DOCK4: variants seen among roughly 807,000 people sequenced by gnomAD.
DOCK4 encodes the protein dedicator of cytokinesis protein 4.
DOCK4 carries 97 observed loss-of-function variants against 268.1 expected under a neutral mutation model. The ratio of observed to expected loss-of-function variants is 0.36; its 90% CI spans 0.31 to 0.43. The LOEUF is 0.43. Ranked by LOEUF, DOCK4 falls within the 20% of genes least tolerant of loss-of-function variation. The pLI, the probability that DOCK4 is intolerant of heterozygous loss-of-function variation, is 1.00. For synonymous variants in DOCK4, 954 were observed against 887.2 expected (o/e 1.08, Z -1.34); for missense variants, 2,145 against 2,455.7 (o/e 0.87, Z 2.67).
intron 37 of DOCK4, among the ~76,000 whole-genome samples, chr7:111,768,633 T>C (rs942616928): frequency 2.0e-5 from 3 of 152,042 alleles, no homozygotes. Flanking sequence ...GGGTAGGAAG[T>C]GGAGGGAGGT....
chr7:111,964,160 T>C (rs1797187331), intron 8 of DOCK4, among the ~76,000 whole-genome samples: 1 of 145,814 alleles, frequency 6.9e-6, no homozygotes, highest in Non-Finnish European at 1.5e-5. Context: ...CCTCTCCTCC[T>C]CCAAAGGAAA....
chr7:112,098,644 A>G (rs1810375114), intron 1 of DOCK4, among the ~76,000 whole-genome samples: 1 of 149,426 alleles, frequency 6.7e-6, no homozygotes, highest in Admixed American at 6.7e-5. Flanking sequence ...AATTATATAG[A>G]TTATGTAAAA....
intron 30 of DOCK4, among the ~76,000 whole-genome samples, chr7:111,797,350 C>T (rs1308058589): frequency 1.3e-5 from 2 of 152,114 alleles, no homozygotes; most frequent in Non-Finnish European, 2.9e-5. Flanking sequence ...ATTATAGAAC[C>T]TTAGGCAAAT....
chr7:111,741,153 C>T lies in DOCK4; in HGVS notation c.4981G>A (p.Ala1661Thr). ...SSSSLSSQAS[A>T]EVSNITGQSE... ...TGCCCTGTAATATTGCTTACTTCAG[C>T]AGAAGCTTGTGAGGACAGTGAGGAG... The change falls in exon 47 of 53, where the codon GCT becomes ACT. Residue 1661 changes from alanine (A) to threonine (T), a missense_variant. By Grantham distance (58) the Ala-to-Thr change is moderately conservative (BLOSUM62 0). Coordinates refer to ENST00000428084, the MANE Select transcript of DOCK4 (RefSeq NM_001363540.2). The T allele has an allele frequency of 6.2e-7, 1 of 1,613,938 alleles. No individual in the cohort carries two copies. Among genetic ancestry groups the T allele is most frequent in the Non-Finnish European group, 8.5e-7 (1 of 1,179,890 alleles).
intron 5 of DOCK4, among the ~76,000 whole-genome samples, 197 bp from the exon 6 acceptor site, chr7:111,989,360 A>G (rs995263143): frequency 2.0e-5 from 3 of 152,208 alleles, no homozygotes; most frequent in Non-Finnish European, 4.4e-5. Flanking sequence ...GCTTCATCTA[A>G]GTTTCACAAC....
chr7:111,949,797 C>A (rs982408248), intron 8 of DOCK4, among the ~76,000 whole-genome samples: 2 of 152,162 alleles, frequency 1.3e-5, no homozygotes, highest in African/African-American at 4.8e-5. Context: ...AAAAAAAGAC[C>A]TATATTAACG....
At chr7:112,105,818 A>G (rs1290059626) in intron 1 of DOCK4, among the ~76,000 whole-genome samples, 2 of 151,564 alleles carry the variant, frequency 1.3e-5, no homozygotes, top group African/African-American at 4.9e-5. Context: ...CCTCCCAGGT[A>G]GCTGGGACTA....
intron 36 of DOCK4, among the ~76,000 whole-genome samples, chr7:111,777,608 C>A (rs1798530764): frequency 6.6e-6 from 1 of 152,088 alleles, no homozygotes; most frequent in South Asian, 2.1e-4. Context: ...TTGTAAAATT[C>A]CCACATTTAA....
rs201505977 is a variant in DOCK4, at chr7:112,180,653, G to GAT, written c.37+25447_37+25448dup. 9.0e-3 allele frequency among the ~76,000 whole-genome samples: 1,367 copies of GAT among 152,254 alleles called. 17 individuals are homozygous for GAT. Among genetic ancestry groups the GAT allele is most frequent in the African/African-American group, 0.03 (1,260 of 41,530 alleles). Reference sequence around the variant, plus strand: ...CGACAGCATGAGCTCCCTGCCTGTAGATATATATATGTCTGAATGAGGCAC... The same window carrying GAT: ...CGACAGCATGAGCTCCCTGCCTGTAGATATATATATATGTCTGAATGAGGCAC... On this transcript the variant is annotated intron_variant, in intron 1 of 52. Coordinates refer to ENST00000428084, the MANE Select transcript of DOCK4 (RefSeq NM_001363540.2).
rs1276028345 is a variant in DOCK4, at chr7:111,769,665, G to A, written c.3692C>T (p.Thr1231Ile). The A allele has an allele frequency of 6.2e-7, 1 of 1,613,432 alleles. No individual in the cohort carries two copies. Among genetic ancestry groups the A allele is most frequent in the East Asian group, 2.2e-5 (1 of 44,810 alleles). The change falls in exon 37 of 53, where the codon ACC (threonine) becomes ATC (isoleucine). Residue 1231 changes from threonine to isoleucine, a missense_variant. Transcript: ENST00000428084. ...KAQNFTEAAY[T>I]LLLYDELLEW... The stretch of plus-strand genomic sequence containing the variant: ...CAGTAGCTCGTCATATAAGAGGAGG[G>A]TATATGCAGCTTCTGCAAGTCACGT...
chr7:112,101,562 A>T (rs1810677720), intron 1 of DOCK4, among the ~76,000 whole-genome samples: 1 of 152,154 alleles, frequency 6.6e-6, no homozygotes, highest in Non-Finnish European at 1.5e-5. Flanking sequence ...TTTGATGTTA[A>T]CTGTTGTTAT....
chr7:111,842,517 C>A lies in DOCK4; in HGVS notation c.2736+2246G>T, dbSNP rs540223849. Among the ~76,000 whole-genome samples, 30 of 152,298 alleles carry A rather than the reference C, an allele frequency of 2.0e-4. No individual in the cohort carries two copies. In the Middle Eastern group the frequency reaches 0.014, roughly 70 times the overall value. ...CTGAGTGAGGAGCCTAGACTTCCAC[C>A]CTCATGAGGATGTAGTGAGGTGTCC... On this transcript the variant is annotated intron_variant, in intron 25 of 52. Coordinates refer to ENST00000428084, the MANE Select transcript of DOCK4 (RefSeq NM_001363540.2).
In DOCK4 at chr7:111,765,209, G is replaced by T; in HGVS notation, c.3929C>A (p.Ser1310Tyr). The change falls in exon 39 of 53, where the codon TCT becomes TAT. Residue 1310 changes from serine to tyrosine, a missense_variant. Ser to Tyr is a moderately radical substitution (Grantham distance 144). Coordinates refer to ENST00000428084, the MANE Select transcript of DOCK4 (RefSeq NM_001363540.2). ...NLSKMRMMEASLYDKIMDQQR... is the reference protein window; with the variant it reads ...NLSKMRMMEAYLYDKIMDQQR... ...CTGGTCCATAATTTTGTCATACAAA[G>T]AGGCTTCCATCATCTAGAAAGCACA... 2 of 1,549,848 alleles carry T rather than the reference G, an allele frequency of 1.3e-6. No individual in the cohort carries two copies. The highest frequency in any genetic ancestry group is 2.4e-5 in the East Asian group (1 of 42,362).
chr7:112,085,470 C>A (rs749144583), intron 1 of DOCK4, among the ~76,000 whole-genome samples: 1 of 151,992 alleles, frequency 6.6e-6, no homozygotes, highest in African/African-American at 2.4e-5. Context: ...TTCATTACTG[C>A]CGGTTGCCAG....
chr7:112,152,109 T>A (rs1816150688), intron 1 of DOCK4, among the ~76,000 whole-genome samples: 1 of 152,170 alleles, frequency 6.6e-6, no homozygotes, highest in African/African-American at 2.4e-5. Flanking sequence ...AAATGCTCTA[T>A]TCATAAAAGA....
intron 1 of DOCK4, among the ~76,000 whole-genome samples, chr7:112,120,590 G>T (rs1345743835): frequency 6.6e-6 from 1 of 152,064 alleles, no homozygotes; most frequent in Admixed American, 6.6e-5. Context: ...TATAAACCTG[G>T]TTTGACATAA....
intron 1 of DOCK4, chr7:112,023,750 G>C: frequency 3.3e-6 from 1 of 306,580 alleles, no homozygotes; most frequent in Middle Eastern, 4.1e-4. Context: ...CATTATTTCT[G>C]CAACTTGAAA....
At chr7:111,974,613 G>A (rs547411463) in intron 8 of DOCK4, among the ~76,000 whole-genome samples, 1 of 149,324 alleles carries the variant, frequency 6.7e-6, no homozygotes, top group Non-Finnish European at 1.5e-5. Flanking sequence ...AAAAGGGGAG[G>A]GTGAAGGCAG....
intron 36 of DOCK4, among the ~76,000 whole-genome samples, chr7:111,773,502 C>A (rs1405653513): frequency 6.6e-6 from 1 of 152,128 alleles, no homozygotes; most frequent in Non-Finnish European, 1.5e-5. Flanking sequence ...GTAGCTTATC[C>A]TCACTTACCT....
Sources: allele counts gnomAD v4.1 joint callset (sites outside exome capture counted in the v4.1 genomes callset), GRCh38; gene constraint gnomAD v4.1.1; transcripts MANE v1.5; gene names NCBI Gene and HGNC (gene_info 2026-07-23, HGNC 2026-07-21).